The following NEBL variants were observed in gnomAD, a reference collection of about 807,000 sequenced individuals.
The protein encoded by NEBL is LIM and SH3 protein 2.
NEBL carries 122 observed loss-of-function variants against 140.2 expected under a neutral mutation model. That is an observed-to-expected ratio of 0.87 (90% CI 0.75 to 1.01). The LOEUF (loss-of-function observed/expected upper bound fraction) is 1.01, where lower values mean the gene tolerates loss of function less well. NEBL is among the 50% of genes least tolerant of loss of function. The pLI, the probability that NEBL is intolerant of heterozygous loss-of-function variation, is 0.00. For missense variants in NEBL, 1,365 were observed against 1,231.3 expected (o/e 1.11, Z -1.62); for synonymous variants, 436 against 398.9 (o/e 1.09, Z -1.11).
chr10:21,131,110 A>C (rs532940746), intron 2 of NEBL, among the ~76,000 whole-genome samples: 18 of 152,290 alleles, frequency 1.2e-4, no homozygotes, highest in East Asian at 1.2e-3. Flanking sequence ...TACTACAAAC[A>C]ACCCTATGCT....
At chr10:21,170,935 G>T (rs1016546134) in intron 2 of NEBL, among the ~76,000 whole-genome samples, 3 of 152,154 alleles carry the variant, frequency 2.0e-5, no homozygotes, top group Admixed American at 6.5e-5. Flanking sequence ...TTCAAAAACT[G>T]TAGGGAGGAT....
At chr10:21,110,903 T>C (rs566129864) in intron 2 of NEBL, 177 of 571,948 alleles carry the variant, frequency 3.1e-4, no homozygotes, top group Non-Finnish European at 5.0e-4. Flanking sequence ...AAAATGTCTG[T>C]ACAAAATCAA....
At chr10:21,277,414 T>C (rs1842938845) in intron 1 of NEBL, among the ~76,000 whole-genome samples, 1 of 152,134 alleles carries the variant, frequency 6.6e-6, no homozygotes, top group African/African-American at 2.4e-5. Flanking sequence ...TCCCCCATGT[T>C]GGCCAGGCTG....
chr10:21,131,692 T>C, intron 2 of NEBL, among the ~76,000 whole-genome samples: 1 of 123,694 alleles, frequency 8.1e-6, no homozygotes, highest in East Asian at 1.9e-4. Context: ...GAACACTGCT[T>C]CAAGATTGAA....
At chr10:21,191,473 A>G (rs1319454872) in intron 3 of NEBL, among the ~76,000 whole-genome samples, 2 of 152,190 alleles carry the variant, frequency 1.3e-5, no homozygotes, top group Non-Finnish European at 1.5e-5. Flanking sequence ...AGCCTTCTTT[A>G]TAGTACATGG....
At chr10:20,950,671 C>T (rs551948299) in intron 4 of NEBL, among the ~76,000 whole-genome samples, 1 of 152,290 alleles carries the variant, frequency 6.6e-6, no homozygotes, top group African/African-American at 2.4e-5. Context: ...CTACTTCTGT[C>T]TTATACTTTA....
At chr10:21,228,574 C>T (rs953434148) in intron 3 of NEBL, among the ~76,000 whole-genome samples, 1 of 152,042 alleles carries the variant, frequency 6.6e-6, no homozygotes, top group African/African-American at 2.4e-5. Context: ...AGAACAGGTA[C>T]ATTTTTACAG....
In NEBL at chr10:20,850,380, A is replaced by G. The variant is rs1564381840; in HGVS notation, c.1116+15T>C. 2.0e-6 allele frequency: 3 copies of G among 1,512,938 alleles called. No individual in the cohort carries two copies. 93.7% of individuals were successfully genotyped at this position (1,512,938 alleles called of 1,614,324 possible). A position where few individuals can be genotyped will look rare whatever the true frequency, so the allele number is the denominator to read the frequency against. Reference sequence around the variant, plus strand: ...AATTTACATTAAACAATTAGTAACAAACTAATTGACCTACTTCACTTTGCA... The same window carrying G: ...AATTTACATTAAACAATTAGTAACAGACTAATTGACCTACTTCACTTTGCA... On this transcript the variant is annotated intron_variant, in intron 11 of 27. Transcript: ENST00000377122.
At chr10:20,819,171 A>C in intron 20 of NEBL, 1 of 847,052 alleles carries the variant, frequency 1.2e-6, no homozygotes, top group Non-Finnish European at 1.7e-6. Flanking sequence ...CCCCGGCATT[A>C]AGCCCAGTAC....
intron 4 of NEBL, among the ~76,000 whole-genome samples, chr10:20,936,741 T>G (rs1834510894): frequency 6.6e-6 from 1 of 152,216 alleles, no homozygotes; most frequent in East Asian, 1.9e-4. Context: ...TCATTATAGT[T>G]TAATTTCTGC....
At chr10:20,848,038 A>G (rs919324587) in intron 11 of NEBL, among the ~76,000 whole-genome samples, 6 of 152,212 alleles carry the variant, frequency 3.9e-5, no homozygotes, top group African/African-American at 1.2e-4. Flanking sequence ...CAGAAGACCC[A>G]CTAAGCAAAA....
intron 9 of NEBL, among the ~76,000 whole-genome samples, chr10:20,856,897 C>T (rs10764286): frequency 0.55 from 83,960 of 151,856 alleles, 24,678 homozygotes; most frequent in Non-Finnish European, 0.64. Context: ...CACATTGGTG[C>T]CATCTCAGCT....
intron 3 of NEBL, among the ~76,000 whole-genome samples, chr10:21,202,703 C>G (rs1321698403): frequency 6.6e-6 from 1 of 151,994 alleles, no homozygotes; most frequent in South Asian, 2.1e-4. Context: ...ACCTCGTGAT[C>G]GCCCGTCTCG....
intron 2 of NEBL, among the ~76,000 whole-genome samples, chr10:21,164,757 T>C (rs1025727348): frequency 3.9e-5 from 6 of 152,210 alleles, no homozygotes; most frequent in African/African-American, 1.4e-4. Flanking sequence ...GAGAACCAGA[T>C]CATTTTGTAT....
rs1837100993 is a variant in NEBL, at chr10:21,094,727, TG to T, written c.165-74527del. Among the ~76,000 whole-genome samples the T allele has an allele frequency of 3.3e-5, 5 of 152,240 alleles. No homozygotes were observed. The South Asian group carries it at 1.0e-3, about 32-fold the overall frequency. ...TCTGCTCCTTTGTAAATGGGACTCT[TG>T]GGTGGTGGCATGAATATTACAGACT... On this transcript the variant is annotated intron_variant, in intron 2 of 6. Transcript: ENST00000417816.
At chr10:20,934,242 A>C (rs1589035507) in intron 4 of NEBL, among the ~76,000 whole-genome samples, 2 of 152,278 alleles carry the variant, frequency 1.3e-5, no homozygotes, top group East Asian at 3.9e-4. Flanking sequence ...GAGAGTGCCT[A>C]GGTCTCCTTG....
Position 20,889,945 on chromosome 10 carries a change from C to T in NEBL, c.158G>A (p.Arg53His), listed in dbSNP as rs1472255941. 1.3e-5 allele frequency: 20 copies of T among 1,578,964 alleles called. No individual in the cohort carries two copies. The highest frequency in any genetic ancestry group is 4.5e-5 in the South Asian group (4 of 88,286). ...GGACTTTTTAAACTCTTCTTTATAA[C>T]GGATCTAAAAAAGAGAATGATTTAC... ...RKCTELISDI[R>H]YKEEFKKSKD... The change falls in exon 3 of 28, where the codon CGT becomes CAT. Residue 53 changes from arginine (R) to histidine (H), a missense_variant. Transcript: ENST00000377122.
chr10:21,167,125 C>T (rs1331557535), intron 2 of NEBL, among the ~76,000 whole-genome samples: 3 of 152,172 alleles, frequency 2.0e-5, no homozygotes, highest in Non-Finnish European at 4.4e-5. Context: ...TGCACCCAGC[C>T]CAGCCTCTTG....
rs199861699 is a variant in NEBL at position 21,180,950 on chromosome 10, AT to A, written n.349-8474del. 4.6e-3 allele frequency among the ~76,000 whole-genome samples: 699 copies of A among 152,030 alleles called. 7 individuals are homozygous for A. The highest frequency in any genetic ancestry group is 0.015 in the African/African-American group (636 of 41,460). ...TGCAGGCCTGGGACCTCTGCACTGT[AT>A]TTTTTTTAAATAAAAATTAATTCAT... On this transcript the variant is annotated intron_variant and non_coding_transcript_variant, in intron 3 of 8. Transcript: ENST00000675702.
Sources: gnomAD v4.1 joint callset for allele counts (sites outside exome capture counted in the v4.1 genomes callset) on GRCh38, gnomAD v4.1.1 for gene constraint, MANE v1.5 for transcripts, NCBI Gene and HGNC (gene_info 2026-07-23, HGNC 2026-07-21) for gene names.